Variants in SH3BP1 observed in about 807,000 individuals in gnomAD.
The protein encoded by SH3BP1 is SH3 domain-binding protein 1.
A neutral mutation model predicts 69.8 loss-of-function variants in SH3BP1; 46 were observed. The observed-to-expected ratio is 0.66, with a 90% CI of 0.52 to 0.84. The LOEUF is 0.84. SH3BP1 is among the 40% of genes least tolerant of loss of function. The pLI is 0.00. For missense variants in SH3BP1, 868 were observed against 930.9 expected, an observed-to-expected ratio of 0.93 and a Z score of 0.88; for synonymous variants, 403 against 378.0, an observed-to-expected ratio of 1.07 and a Z score of -0.77.
In SH3BP1 at chr22:37,655,424, GC is replaced by G; in HGVS notation, c.1851del (p.Thr618GlnfsTer40). 4.3e-6 allele frequency: 6 copies of G among 1,406,124 alleles called. No homozygotes were observed. Among genetic ancestry groups the G allele is most frequent in the African/African-American group, 1.6e-5 (1 of 62,586 alleles). 87.1% of individuals were successfully genotyped at this position (1,406,124 alleles called of 1,614,324 possible). A position where few individuals can be genotyped will look rare whatever the true frequency, so the allele number is the denominator to read the frequency against. On this transcript the variant is annotated frameshift_variant, in exon 18 of 18. Transcript: ENST00000649765. LOFTEE classifies it low-confidence loss of function (END_TRUNC). ...ACGTCTGGTTGGCAGCAGCCTCCGA[GC>G]CCCCACAGTGCCACCCCCGTTACCC... ...PRRLVGSSLRAPTVPPPLPPT... is the reference protein window; with the variant it reads ...PRRLVGSSLRXPTVPPPLPPT...
intron 7 of SH3BP1, 119 bp downstream of exon 7, chr22:37,643,907 C>G: frequency 8.4e-7 from 1 of 1,189,338 alleles, no homozygotes; most frequent in Non-Finnish European, 1.2e-6. Context: ...GGCCACGTGG[C>G]TAGGAGCCAG....
At position 37,643,795 on chromosome 22, in the gene SH3BP1, G is replaced by A. The variant is rs1932705345; in HGVS notation, c.618+7G>A. 1 of 1,612,108 alleles carries A rather than the reference G, an allele frequency of 6.2e-7. No homozygotes were observed. Among genetic ancestry groups the A allele is most frequent in the African/African-American group, 1.3e-5 (1 of 74,880 alleles). ...GAAAGTGGAGCAATGCAGGGTGAGG[G>A]CCATGGGGGTCCCCTGGATATGTAG... On this transcript the variant is annotated splice_region_variant and intron_variant, in intron 7 of 17. Transcript: ENST00000649765.
chr22:37,642,757 C>T, intron 4 of SH3BP1, 138 bp from the exon 5 acceptor site: 1 of 1,599,456 alleles, frequency 6.3e-7, no homozygotes, highest in Non-Finnish European at 8.5e-7. Context: ...GGTGGCCAGG[C>T]CTGGGAGGGT....
rs1276456945 is a variant in SH3BP1, at chr22:37,655,516, C to T, written c.1938C>T (p.Ser646=). 1.9e-6 allele frequency: 3 copies of T among 1,583,122 alleles called. No individual in the cohort carries two copies. The highest frequency in any genetic ancestry group is 1.7e-5 in the Admixed American group (1 of 57,420). Residue 646 remains serine (S), a synonymous_variant, in exon 18 of 18, where the codon TCC becomes TCT. Coordinates refer to ENST00000649765, the MANE Select transcript of SH3BP1 (RefSeq NM_018957.6). ...RRSPASPSPA[S]PGPASPSPVS... is the part of the protein sequence containing the mutation. ...CACCAGCCTCCCCCAGCCCGGCCTC[C>T]CCAGGTCCAGCCTCCCCCAGCCCAG...
chr22:37,641,249 G>A, intron 2 of SH3BP1, 81 bp downstream of exon 2: 2 of 1,519,552 alleles, frequency 1.3e-6, no homozygotes, highest in Non-Finnish European at 8.9e-7. Flanking sequence ...GGGACGCCAG[G>A]TAGGGGCCTG....
chr22:37,649,339 A>G (rs567590635), intron 14 of SH3BP1, among the ~76,000 whole-genome samples: 89 of 151,928 alleles, frequency 5.9e-4, no homozygotes, highest in Middle Eastern at 3.4e-3. Context: ...AATTAAAAAG[A>G]TTAGCCAGGC....
chr22:37,649,121 G>A lies in SH3BP1; in HGVS notation c.1316+686G>A, dbSNP rs545093456. 1.8e-4 allele frequency among the ~76,000 whole-genome samples: 27 copies of A among 152,274 alleles called. No homozygotes were observed. The East Asian group carries it at 5.2e-3, about 29-fold the overall frequency. ...TCGATTTCCTCATCTGTAAATTGGG[G>A]AGAAATCATACAAACTTTGAGGGCT... is the stretch of plus-strand genomic sequence containing the variant. On this transcript the variant is annotated intron_variant, in intron 14 of 17. Transcript: ENST00000649765.
intron 2 of SH3BP1, 68 bp from the exon 3 acceptor site, chr22:37,641,306 A>G: frequency 6.6e-7 from 1 of 1,525,480 alleles, no homozygotes; most frequent in Non-Finnish European, 8.9e-7. Context: ...CCCAGGGGAC[A>G]GGAGAAAGTT....
At chr22:37,642,771 CA>C in intron 4 of SH3BP1, 123 bp from the exon 5 acceptor site, 1 of 1,594,966 alleles carries the variant, frequency 6.3e-7, no homozygotes, top group South Asian at 1.1e-5. Context: ...GGAGGGTGTT[CA>C]GCTTAGCAGA....
chr22:37,641,424 G>C lies in SH3BP1; in HGVS notation c.153G>C (p.Lys51Asn). 2 of 1,551,144 alleles carry C rather than the reference G, an allele frequency of 1.3e-6. No homozygotes were observed. Among genetic ancestry groups the C allele is most frequent in the Non-Finnish European group, 1.7e-6 (2 of 1,147,130 alleles). Residue 51 changes from lysine to asparagine, a missense_variant, in exon 3 of 18, where the codon AAG becomes AAC. By Grantham distance (94) the Lys-to-Asn change is moderately conservative. Coordinates refer to ENST00000649765, the MANE Select transcript of SH3BP1 (RefSeq NM_018957.6). ...PAKRAAHNIH[K>N]RLQACLQGQS... ...AGCGGGCAGCCCACAACATCCACAA[G>C]CGGCTGCAGGCCTGTCTGCAGGGCC...
chr22:37,642,160 G>A, intron 3 of SH3BP1: 1 of 245,724 alleles, frequency 4.1e-6, no homozygotes. Flanking sequence ...GAACTCAGCG[G>A]TGGCTAGGTC....
chr22:37,644,961 G>A lies in SH3BP1; in HGVS notation c.778+1G>A. The A allele has an allele frequency of 6.2e-7, 1 of 1,613,706 alleles. No individual in the cohort carries two copies. Among genetic ancestry groups the A allele is most frequent in the Non-Finnish European group, 8.5e-7 (1 of 1,179,926 alleles). ...CTGAGGGAGAACCACGGCCAAGCAG[G>A]TGGGGACATAGGCCCGGCGATACCA... On this transcript the variant is annotated splice_donor_variant, in intron 9 of 17. Coordinates refer to ENST00000649765, the MANE Select transcript of SH3BP1 (RefSeq NM_018957.6). LOFTEE classifies it high-confidence loss of function.
intron 1 of SH3BP1, chr22:37,640,876 C>T (rs1434177427): frequency 2.8e-5 from 15 of 533,760 alleles, no homozygotes; most frequent in Non-Finnish European, 5.0e-5. Context: ...TTAGTTTCAT[C>T]TGTCCGCCCT....
At chr22:37,645,661 A>G in intron 10 of SH3BP1, 151 bp downstream of exon 10, 1 of 861,086 alleles carries the variant, frequency 1.2e-6, no homozygotes, top group African/African-American at 1.7e-5. Context: ...CGGCATCCAC[A>G]CTACCTCCCC....
intron 16 of SH3BP1, among the ~76,000 whole-genome samples, chr22:37,653,159 C>G (rs2413477): frequency 0.72 from 109,589 of 151,222 alleles, 40,906 homozygotes; most frequent in African/African-American, 0.92. Flanking sequence ...AAAAAACAAG[C>G]CTAGGTGGCG....
At chr22:37,639,893 G>C in intron 1 of SH3BP1, 47 bp downstream of exon 1, 1 of 1,446,690 alleles carries the variant, frequency 6.9e-7, no homozygotes, top group Non-Finnish European at 9.4e-7. Flanking sequence ...GGCAGGACTT[G>C]AGGGGTCGTA....
Position 37,641,473 on chromosome 22 carries a change from C to G in SH3BP1, c.202C>G (p.Arg68Gly). The G allele has an allele frequency of 6.5e-7, 1 of 1,549,810 alleles. No homozygotes were observed. The highest frequency in any genetic ancestry group is 8.7e-7 in the Non-Finnish European group (1 of 1,146,484). ...QGQSGADMDK[R>G]VKKLPLMALS... ...CCAGAGCGGGGCAGACATGGACAAG[C>G]GGGTGGTGAGTGGGGGGTCCCGGGA... Residue 68 changes from arginine (R) to glycine (G), a missense_variant, in exon 3 of 18, where the codon CGG becomes GGG. By Grantham distance (125) the Arg-to-Gly change is moderately radical. Transcript: ENST00000649765.
rs1200200651 is a variant in SH3BP1 at position 37,644,538 on chromosome 22, G to A, written c.619-99G>A. On this transcript the variant is annotated intron_variant, in intron 7 of 17. Coordinates refer to ENST00000649765, the MANE Select transcript of SH3BP1 (RefSeq NM_018957.6). Reference sequence around the variant, plus strand: ...TGGCTGGGACCTTCCACCTGCAGTTGTGTGGCCTGGGGGAGGTCACCAACC... The same window carrying A: ...TGGCTGGGACCTTCCACCTGCAGTTATGTGGCCTGGGGGAGGTCACCAACC... 5 of 1,150,368 alleles carry A rather than the reference G, an allele frequency of 4.3e-6. No homozygotes were observed. In the African/African-American group the frequency reaches 4.6e-5, roughly 10 times the overall value. The allele number at this position is 1,150,368 out of a possible 1,614,324, so 71.3% of individuals were successfully genotyped here. A position where few individuals can be genotyped will look rare whatever the true frequency, so the allele number is the denominator to read the frequency against.
intron 6 of SH3BP1, 168 bp from the exon 7 acceptor site, chr22:37,643,476 C>T: frequency 1.1e-6 from 1 of 930,910 alleles, no homozygotes; most frequent in Non-Finnish European, 1.6e-6. Flanking sequence ...CACCAGGGGG[C>T]AACCCAGAGC....
Sources: allele counts gnomAD v4.1 joint callset (sites outside exome capture counted in the v4.1 genomes callset), GRCh38; gene constraint gnomAD v4.1.1; transcripts MANE v1.5; gene names NCBI Gene and HGNC (gene_info 2026-07-23, HGNC 2026-07-21).